The following GIMAP7 variants were observed in gnomAD, a reference collection of about 807,000 sequenced individuals.
GIMAP7 encodes the protein GTPase IMAP family member 7.
For synonymous variants in GIMAP7, 137 were observed against 129.3 expected (o/e 1.06, Z -0.40); for missense variants, 323 against 359.7 (o/e 0.90, Z 0.83).
intron 1 of GIMAP7, 48 bp from the exon 2 acceptor site, chr7:150,519,886 C>A: frequency 8.8e-7 from 1 of 1,139,360 alleles, no homozygotes. Context: ...GGGAATGGAT[C>A]TCACTTACTA....
At chr7:150,517,488 G>A (rs113825556) in intron 1 of GIMAP7, among the ~76,000 whole-genome samples, 3,257 of 152,194 alleles carry the variant, frequency 0.021, 62 homozygotes, top group Non-Finnish European at 0.033. Flanking sequence ...TCTTTTGTGG[G>A]AAATACCATT....
chr7:150,516,813 TGAA>T lies in GIMAP7; in HGVS notation c.-42+1869_-42+1871del, dbSNP rs200879253. ...TCGCTTCTAGCTCCAGTGTTTTGTG[TGAA>T]TTTATATGAATGGGGAGGTTGGATC... On this transcript the variant is annotated intron_variant, in intron 1 of 1. Transcript: ENST00000313543. Among the ~76,000 whole-genome samples the T allele has an allele frequency of 6.7e-3, 1,017 of 152,312 alleles. 12 individuals carry two copies. The highest frequency in any genetic ancestry group is 0.023 in the African/African-American group (954 of 41,572).
intron 1 of GIMAP7, 87 bp from the exon 2 acceptor site, chr7:150,519,847 G>T (rs771493753): frequency 1.3e-6 from 1 of 752,888 alleles, no homozygotes; most frequent in Non-Finnish European, 2.2e-6. Flanking sequence ...CAAATTTTCA[G>T]GAAGAAAGAG....
At chr7:150,515,009 T>A (rs1193278571) in intron 1 of GIMAP7, 64 bp downstream of exon 1, 1 of 152,904 alleles carries the variant, frequency 6.5e-6, no homozygotes, top group Non-Finnish European at 1.5e-5. Flanking sequence ...GGACAGGGTG[T>A]GTGGCTGGAG....
In GIMAP7 at chr7:150,520,306, C is replaced by A. The variant is rs1795175930; in HGVS notation, c.332C>A (p.Thr111Asn). ...LGRYTEEEQK[T>N]VALIKAVFGK... is the part of the protein sequence containing the mutation. Reference sequence around the variant, plus strand: ...CGCTACACAGAGGAGGAGCAGAAAACCGTTGCATTGATCAAGGCTGTCTTT... The same window carrying A: ...CGCTACACAGAGGAGGAGCAGAAAAACGTTGCATTGATCAAGGCTGTCTTT... Residue 111 changes from threonine to asparagine, a missense_variant, in exon 2 of 2, where the codon ACC (threonine) becomes AAC (asparagine). Physicochemically the swap from Thr to Asn is moderately conservative, Grantham distance 65. Transcript: ENST00000313543. 1 of 1,614,020 alleles carries A rather than the reference C, an allele frequency of 6.2e-7. No homozygotes were observed. The highest frequency in any genetic ancestry group is 1.7e-5 in the Admixed American group (1 of 59,990).
At position 150,520,211 on chromosome 7, in the gene GIMAP7, G is replaced by A. The variant is rs1795174323; in HGVS notation, c.237G>A (p.Lys79=). 6.2e-7 allele frequency: 1 copy of A among 1,614,038 alleles called. No individual in the cohort carries two copies. Among genetic ancestry groups the A allele is most frequent in the Non-Finnish European group, 8.5e-7 (1 of 1,180,012 alleles). Residue 79 remains lysine, a synonymous_variant, in exon 2 of 2, where the codon AAG becomes AAA. Coordinates refer to ENST00000313543, the MANE Select transcript of GIMAP7 (RefSeq NM_153236.4). ...DTKESLDTTC[K]EISRCIISSC... ...AGGAGAGCCTGGACACCACCTGCAA[G>A]GAAATCAGCCGCTGCATCATCTCCT...
At chr7:150,518,715 T>C (rs1795158200) in intron 1 of GIMAP7, among the ~76,000 whole-genome samples, 1 of 152,162 alleles carries the variant, frequency 6.6e-6, no homozygotes. Context: ...ATCAAACTTA[T>C]CAGTCTTTTC....
chr7:150,520,940 T>A lies in GIMAP7; in HGVS notation c.*63T>A. On this transcript the variant is annotated 3_prime_UTR_variant, in exon 2 of 2. Transcript: ENST00000313543. ...AAAGATAGTTAGAGAAATACCTCCT[T>A]CCCCTTAGCTTTATTAAGGTATCAT... 1 of 783,276 alleles carries A rather than the reference T, an allele frequency of 1.3e-6. No individual in the cohort carries two copies. The highest frequency in any genetic ancestry group is 1.9e-6 in the Non-Finnish European group (1 of 523,552). The allele number at this position is 783,276 out of a possible 1,614,324, so 48.5% of individuals were successfully genotyped here. A position where few individuals can be genotyped will look rare whatever the true frequency, so the allele number is the denominator to read the frequency against.
chr7:150,520,990 T>G lies in GIMAP7; in HGVS notation c.*113T>G, dbSNP rs1795185201. The G allele has an allele frequency of 2.8e-6, 1 of 356,700 alleles. No individual in the cohort carries two copies. Among genetic ancestry groups the G allele is most frequent in the Non-Finnish European group, 4.8e-6 (1 of 210,310 alleles). The allele number at this position is 356,700 out of a possible 1,614,324, so 22.1% of individuals were successfully genotyped here. A position where few individuals can be genotyped will look rare whatever the true frequency, so the allele number is the denominator to read the frequency against. Reference sequence around the variant, plus strand: ...TTGATAAATAAAAATAAAATATGTTTAATGTATATAATGTGATTTTTAAAT... The same window carrying G: ...TTGATAAATAAAAATAAAATATGTTGAATGTATATAATGTGATTTTTAAAT... On this transcript the variant is annotated 3_prime_UTR_variant, in exon 2 of 2. Coordinates refer to ENST00000313543, the MANE Select transcript of GIMAP7 (RefSeq NM_153236.4).
chr7:150,519,623 T>G (rs548954973), intron 1 of GIMAP7, among the ~76,000 whole-genome samples: 2 of 152,280 alleles, frequency 1.3e-5, no homozygotes, highest in South Asian at 4.1e-4. Context: ...AAAAAGTAAC[T>G]TTTTCCTTCT....
chr7:150,515,085 AGG>A (rs1003916212), intron 1 of GIMAP7, 140 bp downstream of exon 1: 1 of 152,546 alleles, frequency 6.6e-6, no homozygotes, highest in African/African-American at 2.4e-5. Flanking sequence ...GTGCTGTGGG[AGG>A]GGTGAGTAGA....
At chr7:150,518,213 T>C (rs1795153615) in intron 1 of GIMAP7, among the ~76,000 whole-genome samples, 1 of 152,142 alleles carries the variant, frequency 6.6e-6, no homozygotes, top group South Asian at 2.1e-4. Flanking sequence ...AAAATCGGGA[T>C]TGATAATCAA....
chr7:150,520,142 G>A lies in GIMAP7; in HGVS notation c.168G>A (p.Gly56=). Residue 56 remains glycine (G), a synonymous_variant, in exon 2 of 2, where the codon GGG becomes GGA. Transcript: ENST00000313543. The part of the protein sequence containing the change: ...NCQKASREWQ[G]RDLLVVDTPG... ...AAAAAGCATCCCGGGAATGGCAGGG[G>A]AGAGACCTTCTTGTTGTAGACACTC... 1.9e-6 allele frequency: 3 copies of A among 1,614,146 alleles called. No homozygotes were observed. The highest frequency in any genetic ancestry group is 4.5e-5 in the East Asian group (2 of 44,876).
chr7:150,518,790 C>T lies in GIMAP7; in HGVS notation c.-41-1144C>T, dbSNP rs564241673. Reference sequence around the variant, plus strand: ...ACTCCCAGGTTACAAAAAATTTACCCGTGTTTCTCTTATTATTTATATGGG... The same window carrying T: ...ACTCCCAGGTTACAAAAAATTTACCTGTGTTTCTCTTATTATTTATATGGG... On this transcript the variant is annotated intron_variant, in intron 1 of 1. Transcript: ENST00000313543. 6.6e-5 allele frequency among the ~76,000 whole-genome samples: 10 copies of T among 152,052 alleles called. No individual in the cohort carries two copies. In the South Asian group the frequency reaches 8.3e-4, roughly 13 times the overall value.
chr7:150,519,499 ATAAT>A (rs772368949), intron 1 of GIMAP7, among the ~76,000 whole-genome samples: 11 of 152,186 alleles, frequency 7.2e-5, no homozygotes, highest in African/African-American at 1.9e-4. Context: ...TTAGTGTCTA[ATAAT>A]TTATTTAGGA....
chr7:150,520,032 G>T lies in GIMAP7; in HGVS notation c.58G>T (p.Gly20Trp), dbSNP rs759216663. The T allele has an allele frequency of 6.2e-7, 1 of 1,614,102 alleles. No homozygotes were observed. The highest frequency in any genetic ancestry group is 1.7e-5 in the Admixed American group (1 of 60,004). The stretch of plus-strand genomic sequence containing the variant: ...CGTTCTGGTAGGGAAAACTGGAAGT[G>T]GGAAAAGTGCAACAGCGAACACCAT... ...RIVLVGKTGS[G>W]KSATANTILG... The change falls in exon 2 of 2, where the codon GGG (glycine) becomes TGG (tryptophan). Residue 20 changes from glycine (G) to tryptophan (W), a missense_variant. Transcript: ENST00000313543.
chr7:150,519,866 A>G (rs1313338841), intron 1 of GIMAP7, 68 bp from the exon 2 acceptor site: 1 of 896,782 alleles, frequency 1.1e-6, no homozygotes, highest in East Asian at 2.5e-5. Context: ...AGAAAGCAGA[A>G]AAGAAGGTTG....
chr7:150,515,880 CT>C (rs35370511), intron 1 of GIMAP7, among the ~76,000 whole-genome samples: 1 of 152,216 alleles, frequency 6.6e-6, no homozygotes, highest in Non-Finnish European at 1.5e-5. Context: ...CCCAGCTCAC[CT>C]TTTTGCAGAA....
rs369222429 is a variant in GIMAP7, at chr7:150,520,331, T to A, written c.357T>A (p.Phe119Leu). The change falls in exon 2 of 2, where the codon TTT becomes TTA. Residue 119 changes from phenylalanine to leucine, a missense_variant. By Grantham distance (22) the Phe-to-Leu change is conservative. Coordinates refer to ENST00000313543, the MANE Select transcript of GIMAP7 (RefSeq NM_153236.4). Reference sequence around the variant, plus strand: ...CCGTTGCATTGATCAAGGCTGTCTTTGGGAAGTCAGCCATGAAGCACATGG... The same window carrying A: ...CCGTTGCATTGATCAAGGCTGTCTTAGGGAAGTCAGCCATGAAGCACATGG... The part of the protein sequence containing the change: ...QKTVALIKAV[F>L]GKSAMKHMVI... 4.9e-5 allele frequency: 79 copies of A among 1,614,040 alleles called. No individual in the cohort carries two copies. The highest frequency in any genetic ancestry group is 6.5e-5 in the Non-Finnish European group (77 of 1,180,036).
Sources: gnomAD v4.1 joint callset for allele counts (sites outside exome capture counted in the v4.1 genomes callset) on GRCh38, gnomAD v4.1.1 for gene constraint, MANE v1.5 for transcripts, NCBI Gene and HGNC (gene_info 2026-07-23, HGNC 2026-07-21) for gene names.